The following DDHD1 variants were observed in gnomAD, a reference collection of about 807,000 sequenced individuals.
DDHD1 encodes the protein DDHD domain containing 1, also known as phospholipase DDHD1.
In DDHD1, 49 loss-of-function variants were observed where a neutral mutation model predicts 96.4. The observed-to-expected ratio is 0.51, with a 90% CI of 0.40 to 0.64. The LOEUF is 0.64. DDHD1 is among the 30% of genes least tolerant of loss of function. The pLI is 0.00. For missense variants in DDHD1, 1,106 were observed against 1,161.2 expected (o/e 0.95, Z 0.69); for synonymous variants, 442 against 446.5 (o/e 0.99, Z 0.13).
intron 6 of DDHD1, among the ~76,000 whole-genome samples, chr14:53,070,768 T>C (rs1354200779): frequency 4.6e-5 from 7 of 152,162 alleles, no homozygotes; most frequent in African/African-American, 1.4e-4. Flanking sequence ...ATGTCTATTA[T>C]AAAAATAGTT....
In DDHD1 at chr14:53,152,987, C is replaced by G; in HGVS notation, c.112G>C (p.Val38Leu). Residue 38 changes from valine to leucine, a missense_variant, in exon 1 of 13, where the codon GTC (valine) becomes CTC (leucine). Val to Leu is a conservative substitution (Grantham distance 32). Transcript: ENST00000673822. Reference protein sequence around the residue: ...SDARPAFGGGVCCFEHLPGGD... With the variant: ...SDARPAFGGGLCCFEHLPGGD... ...CCGGGCAGGTGCTCGAAGCAGCAGA[C>G]GCCGCCGCCGAACGCTGGCCTCGCG... The G allele has an allele frequency of 6.4e-7, 1 of 1,554,108 alleles. No homozygotes were observed. The highest frequency in any genetic ancestry group is 2.0e-5 in the Admixed American group (1 of 51,130).
At chr14:53,074,941 C>T (rs28715236) in intron 4 of DDHD1, among the ~76,000 whole-genome samples, 4,748 of 152,166 alleles carry the variant, frequency 0.031, 242 homozygotes, top group African/African-American at 0.1. Flanking sequence ...ATTATTACAT[C>T]CACTATGGTT....
intron 1 of DDHD1, among the ~76,000 whole-genome samples, chr14:53,150,619 C>T (rs573032380): frequency 9.2e-5 from 14 of 152,248 alleles, no homozygotes; most frequent in African/African-American, 3.1e-4. Flanking sequence ...TCTTGGTTTC[C>T]GTCCCCTCTC....
Position 53,054,467 on chromosome 14 carries a change from T to A in DDHD1, c.2408A>T (p.His803Leu), listed in dbSNP as rs144016130. The change falls in exon 11 of 13, where the codon CAT (histidine) becomes CTT (leucine). Residue 803 changes from histidine (H) to leucine (L), a missense_variant. This residue lies in a region of DDHD1 where 650 missense variants were observed against 758.8 expected (regional missense o/e 0.86). Transcript: ENST00000673822. ...AGAATCGAGGAAGCCAGAACTGCTA[T>A]GTGGAAGGGTCTGTGTCCCTACGGT... The part of the protein sequence containing the change: ...ATTVGTQTLP[H>L]SSSGFLDSAY... 7 of 1,613,904 alleles carry A rather than the reference T, an allele frequency of 4.3e-6. No homozygotes were observed. Among genetic ancestry groups the A allele is most frequent in the Non-Finnish European group, 5.1e-6 (6 of 1,179,922 alleles).
rs1230455002 is a variant in DDHD1, at chr14:53,054,634, AT to A, written c.2246-6del. The A allele has an allele frequency of 6.2e-7, 1 of 1,612,964 alleles. No homozygotes were observed. The highest frequency in any genetic ancestry group is 8.5e-7 in the Non-Finnish European group (1 of 1,179,146). On this transcript the variant is annotated splice_region_variant and splice_polypyrimidine_tract_variant and intron_variant, in intron 10 of 12. Transcript: ENST00000673822. ...CCTTTCCAATGCTAGCAGCCCCTGT[AT>A]TTCACAAAGCAGGGTAGTCATTCTG...
rs758463039 is a variant in DDHD1, at chr14:53,058,518, A to C, written c.1951T>G (p.Cys651Gly). 3.1e-6 allele frequency: 5 copies of C among 1,613,450 alleles called. No homozygotes were observed. The African/African-American group carries it at 6.7e-5, about 22-fold the overall frequency. The change falls in exon 9 of 13, where the codon TGT (cysteine) becomes GGT (glycine). Residue 651 changes from cysteine (C) to glycine (G), a missense_variant. Around this residue, in one of 2 missense-constraint regions of DDHD1, gnomAD observed 650 missense variants for 758.8 expected, o/e 0.86. Transcript: ENST00000673822. ...TGAAAAATATTTAGTAACCGGTTAC[A>C]AATCTCTCTAGGCAAAATATGGTCT... ...SQDHILPREICNRLLNIFHPT... is the reference protein window; with the variant it reads ...SQDHILPREIGNRLLNIFHPT...
chr14:53,152,750 G>A lies in DDHD1; in HGVS notation c.349C>T (p.Leu117=). The part of the protein sequence containing the change: ...ESGGGGSSLS[L]HPPQQPPLVP... ...AGCGGAGGCTGCTGCGGCGGGTGCA[G>A]CGACAAGGAGCTGCCGCCGCCGCCG... The change falls in exon 1 of 13, where the codon CTG becomes TTG. Residue 117 remains leucine, a synonymous_variant. Transcript: ENST00000673822. 6.4e-7 allele frequency: 1 copy of A among 1,560,612 alleles called. No individual in the cohort carries two copies. Among genetic ancestry groups the A allele is most frequent in the Middle Eastern group, 1.9e-4 (1 of 5,244 alleles).
intron 1 of DDHD1, among the ~76,000 whole-genome samples, chr14:53,116,050 T>TG (rs1888518478): frequency 6.6e-6 from 1 of 151,476 alleles, no homozygotes; most frequent in South Asian, 2.1e-4. Context: ...GCAAATGCAA[T>TG]GGGAAAAAAA....
chr14:53,127,320 T>G (rs190441882), intron 1 of DDHD1, among the ~76,000 whole-genome samples: 2 of 152,324 alleles, frequency 1.3e-5, no homozygotes, highest in Admixed American at 1.3e-4. Flanking sequence ...GAAAAAGAAC[T>G]GGGTTAAGGA....
rs930482195 is a variant in DDHD1 at position 53,142,135 on chromosome 14, G to A, written c.838+10126C>T. On this transcript the variant is annotated intron_variant, in intron 1 of 12. Coordinates refer to ENST00000673822, the MANE Select transcript of DDHD1 (RefSeq NM_001160148.2). ...CAAAGGAGAAATAAATTAGGCCACA[G>A]AGATTATAACTTGCCCAAAGGCATA... 6.6e-5 allele frequency among the ~76,000 whole-genome samples: 10 copies of A among 152,294 alleles called. 1 individual carries two copies. The highest frequency in any genetic ancestry group is 6.5e-4 in the Admixed American group (10 of 15,290).
intron 4 of DDHD1, among the ~76,000 whole-genome samples, chr14:53,078,917 ATGT>A: frequency 6.6e-6 from 1 of 152,300 alleles, no homozygotes. Context: ...TTATGAAAGT[ATGT>A]TGAGATTTTG....
intron 1 of DDHD1, among the ~76,000 whole-genome samples, chr14:53,120,094 A>G (rs1888868821): frequency 2.0e-5 from 3 of 152,268 alleles, no homozygotes; most frequent in Admixed American, 2.0e-4. Flanking sequence ...AAGCAGCTTC[A>G]GCAAAGTCTC....
At chr14:53,103,336 T>G (rs1221060986) in intron 2 of DDHD1, 2 of 374,634 alleles carry the variant, frequency 5.3e-6, no homozygotes, top group East Asian at 4.6e-5. Context: ...TAATGAAACT[T>G]GTCTTGATAT....
chr14:53,134,307 T>C (rs1399406289), intron 1 of DDHD1, among the ~76,000 whole-genome samples: 1 of 152,210 alleles, frequency 6.6e-6, no homozygotes, highest in Non-Finnish European at 1.5e-5. Flanking sequence ...CTCCTGGTAC[T>C]ATCCCCAATC....
At chr14:53,121,213 A>G (rs1888955932) in intron 1 of DDHD1, among the ~76,000 whole-genome samples, 1 of 152,270 alleles carries the variant, frequency 6.6e-6, no homozygotes, top group Non-Finnish European at 1.5e-5. Context: ...AGAGGAATGC[A>G]AATCAAAACT....
intron 1 of DDHD1, among the ~76,000 whole-genome samples, chr14:53,122,641 G>A (rs1021432960): frequency 6.0e-5 from 9 of 150,146 alleles, no homozygotes; most frequent in Non-Finnish European, 8.9e-5. Context: ...GCAGTGGTGC[G>A]ATCTTGGCCC....
At chr14:53,103,064 GAAC>G (rs1566567570) in intron 2 of DDHD1, 12 of 1,562,592 alleles carry the variant, frequency 7.7e-6, no homozygotes, top group African/African-American at 1.4e-5. Flanking sequence ...GCAGTAAATG[GAAC>G]AATAGAAGTA....
intron 2 of DDHD1, chr14:53,102,979 A>G: frequency 6.5e-7 from 1 of 1,536,192 alleles, no homozygotes; most frequent in Non-Finnish European, 8.8e-7. Flanking sequence ...TTTTAGAAGA[A>G]AAACTTCAGA....
At chr14:53,077,669 G>GT (rs869283263) in intron 4 of DDHD1, among the ~76,000 whole-genome samples, 12 of 37,388 alleles carry the variant, frequency 3.2e-4, no homozygotes, top group Non-Finnish European at 5.4e-4. Context: ...TTTTGTTTTT[G>GT]TTTTTTTTTT....
Sources: gnomAD v4.1 joint callset for allele counts (sites outside exome capture counted in the v4.1 genomes callset) on GRCh38, gnomAD v4.1.1 for gene constraint, gnomAD v4.1.1 regional missense constraint, MANE v1.5 for transcripts, NCBI Gene and HGNC (gene_info 2026-07-23, HGNC 2026-07-21) for gene names.